RRAGD: variants seen among roughly 807,000 people sequenced by gnomAD.
RRAGD encodes Ras related GTP binding D, also known as ras-related GTP-binding protein D.
A neutral mutation model predicts 35.5 loss-of-function variants in RRAGD; 12 were observed. The observed-to-expected ratio is 0.34, with a 90% CI of 0.22 to 0.55. The LOEUF is 0.55. Among genes scored for constraint, RRAGD ranks in the 20% least tolerant of loss-of-function variants. The probability of loss-of-function intolerance (pLI) is 0.91; values close to 1 mark genes in which losing one functional copy is unlikely to be tolerated. For synonymous variants in RRAGD, 155 were observed against 178.9 expected (o/e 0.87, Z 1.07); for missense variants, 324 against 490.1 (o/e 0.66, Z 3.20).
At chr6:89,379,589 G>A (rs560315926) in intron 3 of RRAGD, among the ~76,000 whole-genome samples, 143 of 152,268 alleles carry the variant, frequency 9.4e-4, no homozygotes, top group African/African-American at 3.3e-3. Flanking sequence ...GCTTACAACC[G>A]CAGCAATCTG....
chr6:89,384,568 G>A (rs2127889615), intron 2 of RRAGD, among the ~76,000 whole-genome samples: 1 of 152,282 alleles, frequency 6.6e-6, no homozygotes, highest in South Asian at 2.1e-4. Flanking sequence ...TGTAATCCCA[G>A]CACTTTGGGA....
At chr6:89,386,411 A>G (rs1398531141) in intron 2 of RRAGD, among the ~76,000 whole-genome samples, 1 of 152,212 alleles carries the variant, frequency 6.6e-6, no homozygotes, top group Admixed American at 6.5e-5. Flanking sequence ...GTGGAATGCT[A>G]GAAAAGAACC....
chr6:89,368,267 T>TG, intron 6 of RRAGD, 60 bp from the exon 7 acceptor site: 1 of 1,521,390 alleles, frequency 6.6e-7, no homozygotes. Flanking sequence ...CATCTTTTCA[T>TG]GGGACCCATG....
chr6:89,376,666 C>T (rs934906775), intron 5 of RRAGD, among the ~76,000 whole-genome samples: 3 of 152,046 alleles, frequency 2.0e-5, no homozygotes, highest in African/African-American at 7.3e-5. Flanking sequence ...TAATCAGTTT[C>T]CCCCACTCCT....
rs560439818 is a variant in RRAGD, at chr6:89,401,498, C to T, written c.148+10348G>A. On this transcript the variant is annotated intron_variant, in intron 1 of 6. Transcript: ENST00000369415. Reference sequence around the variant, plus strand: ...CTTGAACTCCTGACCTTGGGTGATCCATCTGCCTCAGCCTCCCAAAGTGCT... The same window carrying T: ...CTTGAACTCCTGACCTTGGGTGATCTATCTGCCTCAGCCTCCCAAAGTGCT... Among the ~76,000 whole-genome samples, 4 of 152,256 alleles carry T rather than the reference C, an allele frequency of 2.6e-5. No individual in the cohort carries two copies. In the East Asian group the frequency reaches 7.7e-4, roughly 29 times the overall value.
rs777279052 is a variant in RRAGD, at chr6:89,380,327, A to G, written c.485T>C (p.Val162Ala). ...AGTATTCACTTTGTAGGCCCTGGTCACCGTGAGGTGGAGCCTGGCCAGGGC... is the reference window on the plus strand; with the variant it reads ...AGTATTCACTTTGTAGGCCCTGGTCGCCGTGAGGTGGAGCCTGGCCAGGGC... ...MEALARLHLT[V>A]TRAYKVNTDI... Residue 162 changes from valine to alanine, a missense_variant, in exon 3 of 7, where the codon GTG becomes GCG. This residue lies in a region of RRAGD where 152 missense variants were observed against 296.9 expected (regional missense o/e 0.51). Coordinates refer to ENST00000369415, the MANE Select transcript of RRAGD (RefSeq NM_021244.5). 3 of 1,614,268 alleles carry G rather than the reference A, an allele frequency of 1.9e-6. No individual in the cohort carries two copies. In the East Asian group the frequency reaches 6.7e-5, roughly 36 times the overall value.
chr6:89,398,594 AGCAAAG>A (rs1452082051), intron 1 of RRAGD, among the ~76,000 whole-genome samples: 2 of 152,240 alleles, frequency 1.3e-5, no homozygotes, highest in Non-Finnish European at 2.9e-5. Context: ...TCCAAATGTA[AGCAAAG>A]GCACAATGCC....
chr6:89,385,581 A>G (rs908841474), intron 2 of RRAGD, among the ~76,000 whole-genome samples: 2 of 152,122 alleles, frequency 1.3e-5, no homozygotes, highest in Non-Finnish European at 2.9e-5. Flanking sequence ...GGGCCAGAAA[A>G]CAGGTCAGTA....
chr6:89,388,637 C>T (rs1409171184), intron 1 of RRAGD, among the ~76,000 whole-genome samples: 2 of 152,114 alleles, frequency 1.3e-5, no homozygotes, highest in African/African-American at 4.8e-5. Flanking sequence ...GCACCTGGGA[C>T]CAGTTTTGTG....
intron 4 of RRAGD, 96 bp downstream of exon 4, chr6:89,379,128 A>G (rs1009593374): frequency 3.4e-6 from 2 of 592,482 alleles, no homozygotes; most frequent in Non-Finnish European, 5.8e-6. Context: ...TGACCTTGAA[A>G]TGCTATAGAA....
At chr6:89,402,940 A>G (rs1769501950) in intron 1 of RRAGD, among the ~76,000 whole-genome samples, 1 of 152,148 alleles carries the variant, frequency 6.6e-6, no homozygotes, top group African/African-American at 2.4e-5. Flanking sequence ...ACACAGTGTC[A>G]TCTCTCAAGG....
chr6:89,381,887 G>A (rs974817963), intron 2 of RRAGD, among the ~76,000 whole-genome samples: 1 of 152,116 alleles, frequency 6.6e-6, no homozygotes, highest in Non-Finnish European at 1.5e-5. Context: ...TCAGGTCATA[G>A]GTAGGAGTGC....
chr6:89,377,557 C>T, intron 5 of RRAGD, 114 bp downstream of exon 5: 1 of 928,474 alleles, frequency 1.1e-6, no homozygotes, highest in South Asian at 2.2e-5. Flanking sequence ...TTATAGATTT[C>T]AGTCATTTAA....
intron 5 of RRAGD, among the ~76,000 whole-genome samples, chr6:89,377,192 T>C (rs1256237482): frequency 1.3e-5 from 2 of 152,220 alleles, no homozygotes; most frequent in East Asian, 3.8e-4. Context: ...CAGTAGACTA[T>C]TAGTATTAAT....
Position 89,379,226 on chromosome 6 carries a change from A to T in RRAGD, c.757T>A (p.Ser253Thr). The T allele has an allele frequency of 1.3e-6, 2 of 1,513,692 alleles. No homozygotes were observed. The highest frequency in any genetic ancestry group is 1.8e-4 in the Middle Eastern group (1 of 5,636). The allele number at this position is 1,513,692 out of a possible 1,614,324, so 93.8% of individuals were successfully genotyped here. The change falls in exon 4 of 7, where the codon TCA becomes ACA. Residue 253 changes from serine (S) to threonine (T), a missense_variant and splice_region_variant. Ser to Thr is a moderately conservative substitution (Grantham distance 58). This residue lies in a region of RRAGD where 152 missense variants were observed against 296.9 expected (regional missense o/e 0.51). Transcript: ENST00000369415. ...TLENLLNIFI[S>T]NSGIEKAFLF... Reference sequence around the variant, plus strand: ...AAACAGGAATATTATTTACTTACTGAGATAAAGATGTTCAGCAAATTCTCC... The same window carrying T: ...AAACAGGAATATTATTTACTTACTGTGATAAAGATGTTCAGCAAATTCTCC...
intron 1 of RRAGD, among the ~76,000 whole-genome samples, chr6:89,402,038 A>ATTTTTTTTTTTCTTTT (rs1769477695): frequency 1.3e-5 from 1 of 78,440 alleles, no homozygotes; most frequent in African/African-American, 6.3e-5. Flanking sequence ...AATCCTAAGG[A>ATTTTTTTTTTTCTTTT]TTTTTTTTTT....
intron 1 of RRAGD, among the ~76,000 whole-genome samples, chr6:89,392,050 A>C (rs928994979): frequency 1.3e-5 from 2 of 152,112 alleles, no homozygotes; most frequent in Non-Finnish European, 2.9e-5. Flanking sequence ...TCTGTACTTT[A>C]AAAGAGCAAA....
Position 89,371,994 on chromosome 6 carries a change from C to T in RRAGD, c.1051+443G>A, listed in dbSNP as rs538893310. On this transcript the variant is annotated intron_variant, in intron 6 of 6. Coordinates refer to ENST00000369415, the MANE Select transcript of RRAGD (RefSeq NM_021244.5). ...ACAGAAGTCAAACCACCTGTTGTCC[C>T]CTCCTTTACATGGGAAGAACAAAAG... is the stretch of plus-strand genomic sequence containing the variant. Among the ~76,000 whole-genome samples the T allele has an allele frequency of 1.2e-4, 18 of 152,268 alleles. No individual in the cohort carries two copies. In the South Asian group the frequency reaches 3.5e-3, roughly 30 times the overall value.
intron 5 of RRAGD, among the ~76,000 whole-genome samples, chr6:89,376,738 T>A (rs1193483721): frequency 6.6e-6 from 1 of 152,168 alleles, no homozygotes; most frequent in Non-Finnish European, 1.5e-5. Context: ...GTTAACAGAT[T>A]TTTTTCAGCA....
Sources: allele counts gnomAD v4.1 joint callset (sites outside exome capture counted in the v4.1 genomes callset), GRCh38; gene constraint gnomAD v4.1.1; regional missense constraint gnomAD v4.1.1; transcripts MANE v1.5; gene names NCBI Gene and HGNC (gene_info 2026-07-23, HGNC 2026-07-21).